Variants in HDAC9 observed in about 807,000 individuals in gnomAD.
HDAC9 encodes MEF-2 interacting transcription repressor (MITR) protein.
In HDAC9, 41 loss-of-function variants were observed where a neutral mutation model predicts 139.4. The ratio of observed to expected loss-of-function variants is 0.29; its 90% CI spans 0.23 to 0.38. The LOEUF (loss-of-function observed/expected upper bound fraction) is 0.38, where lower values mean the gene tolerates loss of function less well. Ranked by LOEUF, HDAC9 falls within the 10% of genes least tolerant of loss-of-function variation. The pLI is 1.00. For synonymous variants in HDAC9, 517 were observed against 476.2 expected (o/e 1.09, Z -1.12); for missense variants, 1,147 against 1,297.0 (o/e 0.88, Z 1.78).
chr7:18,887,995 G>A (rs1359257107), intron 22 of HDAC9, among the ~76,000 whole-genome samples: 6 of 152,096 alleles, frequency 3.9e-5, no homozygotes, highest in African/African-American at 9.7e-5. Context: ...TTTCTCCCAC[G>A]TAGTTTCAGA....
chr7:18,352,011 C>T (rs1167073007), intron 1 of HDAC9, among the ~76,000 whole-genome samples: 2 of 152,050 alleles, frequency 1.3e-5, no homozygotes, highest in Admixed American at 1.3e-4. Flanking sequence ...AACAAAAGCT[C>T]AAGAAGAAAA....
At chr7:18,761,499 A>G (rs1021765304) in intron 14 of HDAC9, among the ~76,000 whole-genome samples, 25 of 152,336 alleles carry the variant, frequency 1.6e-4, no homozygotes, top group African/African-American at 6.0e-4. Flanking sequence ...GAGAGGTAAG[A>G]TTATAGTAGA....
chr7:18,753,073 C>T (rs997732188), intron 14 of HDAC9, among the ~76,000 whole-genome samples: 10 of 152,052 alleles, frequency 6.6e-5, no homozygotes, highest in African/African-American at 2.4e-4. Flanking sequence ...TTGAGTTTTC[C>T]AGGCATCTTT....
intron 1 of HDAC9, among the ~76,000 whole-genome samples, chr7:18,119,925 CT>C (rs956551639): frequency 6.6e-6 from 1 of 152,130 alleles, no homozygotes; most frequent in Non-Finnish European, 1.5e-5. Flanking sequence ...TTGATCAATC[CT>C]TGGGGTGTTT....
intron 1 of HDAC9, among the ~76,000 whole-genome samples, chr7:18,356,107 T>C (rs1783243362): frequency 6.6e-6 from 1 of 151,966 alleles, no homozygotes; most frequent in Non-Finnish European, 1.5e-5. Context: ...TAAAAATGCA[T>C]GTAAAAAAAC....
At chr7:18,624,661 T>C (rs1477833518) in intron 6 of HDAC9, among the ~76,000 whole-genome samples, 1 of 152,058 alleles carries the variant, frequency 6.6e-6, no homozygotes, top group Non-Finnish European at 1.5e-5. Flanking sequence ...ATGGAAATCT[T>C]CAGCCTTTGG....
chr7:18,395,442 TGTG>T (rs1266191774), intron 1 of HDAC9, among the ~76,000 whole-genome samples: 2 of 151,856 alleles, frequency 1.3e-5, no homozygotes, highest in African/African-American at 4.8e-5. Flanking sequence ...GGGACTATCA[TGTG>T]GTAATTTTGT....
intron 2 of HDAC9, among the ~76,000 whole-genome samples, chr7:18,497,426 G>A (rs1797221168): frequency 6.6e-6 from 1 of 152,200 alleles, no homozygotes; most frequent in African/African-American, 2.4e-5. Context: ...GGGGATCTAT[G>A]TTTAAAGCTA....
chr7:18,891,870 G>T (rs1021398641), intron 22 of HDAC9, among the ~76,000 whole-genome samples: 1 of 152,132 alleles, frequency 6.6e-6, no homozygotes, highest in African/African-American at 2.4e-5. Context: ...TGTATGAATG[G>T]ATTCATTCCC....
intron 1 of HDAC9, among the ~76,000 whole-genome samples, chr7:18,322,199 A>C (rs1800081993): frequency 6.6e-6 from 1 of 152,220 alleles, no homozygotes; most frequent in Non-Finnish European, 1.5e-5. Flanking sequence ...GCTGGGGCAC[A>C]ATCAGAAAAT....
chr7:18,483,911 CACAT>C (rs1795774543), intron 1 of HDAC9, among the ~76,000 whole-genome samples: 1 of 152,016 alleles, frequency 6.6e-6, no homozygotes, highest in Non-Finnish European at 1.5e-5. Context: ...TGATTTGAAT[CACAT>C]ACATTTAAAT....
intron 12 of HDAC9, among the ~76,000 whole-genome samples, chr7:18,683,122 A>G (rs1289173263): frequency 9.9e-5 from 15 of 152,034 alleles, no homozygotes; most frequent in Admixed American, 9.8e-4. Flanking sequence ...TTTTTTTACA[A>G]AAAACGAATA....
chr7:18,712,404 T>C (rs184699988), intron 12 of HDAC9, among the ~76,000 whole-genome samples: 1 of 152,338 alleles, frequency 6.6e-6, no homozygotes, highest in Admixed American at 6.5e-5. Flanking sequence ...AGAGCTATTG[T>C]AGAATGCCAT....
intron 12 of HDAC9, among the ~76,000 whole-genome samples, chr7:18,702,375 C>G (rs538001448): frequency 6.6e-6 from 1 of 152,290 alleles, no homozygotes; most frequent in African/African-American, 2.4e-5. Flanking sequence ...TATGGACGCA[C>G]TGGTGTCCGC....
intron 12 of HDAC9, among the ~76,000 whole-genome samples, chr7:18,703,623 C>A (rs138674065): frequency 6.6e-6 from 1 of 152,224 alleles, no homozygotes; most frequent in East Asian, 1.9e-4. Flanking sequence ...ACGTAGTGAA[C>A]TAATGCATGC....
At chr7:18,923,638 C>A (rs188865203) in intron 22 of HDAC9, among the ~76,000 whole-genome samples, 1 of 151,938 alleles carries the variant, frequency 6.6e-6, no homozygotes, top group African/African-American at 2.4e-5. Flanking sequence ...AAAATGTCAC[C>A]GCCTTACCCG....
At chr7:18,889,159 TTC>T (rs1202264307) in intron 22 of HDAC9, among the ~76,000 whole-genome samples, 1 of 152,210 alleles carries the variant, frequency 6.6e-6, no homozygotes, top group African/African-American at 2.4e-5. Flanking sequence ...TGGAAAATCT[TTC>T]TGTCTCTCTA....
At chr7:18,648,332 C>A (rs117875080) in intron 10 of HDAC9, 134 bp from the exon 11 acceptor site, 13,030 of 737,078 alleles carry the variant, frequency 0.018, 153 homozygotes, top group Non-Finnish European at 0.023. Flanking sequence ...ATCACTAATT[C>A]ACTAATTTTC....
intron 1 of HDAC9, among the ~76,000 whole-genome samples, chr7:18,351,280 A>C (rs892327297): frequency 1.3e-5 from 2 of 152,132 alleles, no homozygotes; most frequent in Non-Finnish European, 2.9e-5. Context: ...ACATTTTTCC[A>C]TGTTGCTTCA....
Sources: allele counts gnomAD v4.1 joint callset (sites outside exome capture counted in the v4.1 genomes callset), GRCh38; gene constraint gnomAD v4.1.1; transcripts MANE v1.5; gene names NCBI Gene and HGNC (gene_info 2026-07-23, HGNC 2026-07-21).